CSMD3: variants seen among roughly 807,000 people sequenced by gnomAD.
CSMD3 encodes CUB and Sushi multiple domains 3.
Under a neutral mutation model 435.2 loss-of-function variants are expected in CSMD3, and 177 were observed. The observed-to-expected ratio is 0.41, with a 90% confidence interval of 0.36 to 0.46. The LOEUF is 0.46. CSMD3 is among the 20% of genes least tolerant of loss of function. CSMD3 has a pLI of 0.34. For synonymous variants in CSMD3, 1,656 were observed against 1,520.5 expected (o/e 1.09, Z -2.07); for missense variants, 4,265 against 4,504.6 (o/e 0.95, Z 1.52).
At chr8:112,292,272 A>C (rs1337105747) in intron 55 of CSMD3, among the ~76,000 whole-genome samples, 2 of 152,148 alleles carry the variant, frequency 1.3e-5, no homozygotes, top group African/African-American at 4.8e-5. Flanking sequence ...GAGAGTTAGA[A>C]ATTAACTCTA....
chr8:112,347,427 C>T (rs1210345778), intron 40 of CSMD3, among the ~76,000 whole-genome samples: 1 of 152,110 alleles, frequency 6.6e-6, no homozygotes, highest in Admixed American at 6.5e-5. Flanking sequence ...AGTAGCAACA[C>T]ACAGATACTC....
intron 13 of CSMD3, among the ~76,000 whole-genome samples, chr8:112,741,327 T>C (rs1263998109): frequency 6.6e-6 from 1 of 151,928 alleles, no homozygotes; most frequent in Non-Finnish European, 1.5e-5. Flanking sequence ...GAAGACATAT[T>C]AGTGGCCAAT....
chr8:112,594,204 G>C (rs891201465), intron 22 of CSMD3, among the ~76,000 whole-genome samples: 8 of 152,312 alleles, frequency 5.3e-5, no homozygotes, highest in African/African-American at 1.9e-4. Context: ...TGCCTCACTT[G>C]GGAAGCCCAA....
At chr8:112,793,943 A>G (rs2078757293) in intron 13 of CSMD3, among the ~76,000 whole-genome samples, 1 of 152,178 alleles carries the variant, frequency 6.6e-6, no homozygotes, top group Admixed American at 6.5e-5. Context: ...AAACAAAGAC[A>G]TAACAAATGT....
chr8:113,347,586 T>TG (rs1209267142), intron 1 of CSMD3, among the ~76,000 whole-genome samples: 1 of 152,068 alleles, frequency 6.6e-6, no homozygotes, highest in African/African-American at 2.4e-5. Flanking sequence ...CATTGCCATT[T>TG]GGGGGACACA....
At chr8:112,347,901 C>T (rs1398816974) in intron 40 of CSMD3, among the ~76,000 whole-genome samples, 1 of 152,160 alleles carries the variant, frequency 6.6e-6, no homozygotes, top group Non-Finnish European at 1.5e-5. Flanking sequence ...CTTTTATTTT[C>T]TTGCCTTCAC....
chr8:112,497,554 T>A (rs1309127102), intron 30 of CSMD3, among the ~76,000 whole-genome samples: 1 of 151,114 alleles, frequency 6.6e-6, no homozygotes, highest in Non-Finnish European at 1.5e-5. Context: ...AAAAGACCAC[T>A]AATAACTTTA....
At chr8:112,525,535 A>G (rs1010265003) in intron 27 of CSMD3, among the ~76,000 whole-genome samples, 97 of 148,890 alleles carry the variant, frequency 6.5e-4, no homozygotes, top group African/African-American at 2.3e-3. Context: ...CCTGGCTAAC[A>G]TGGTGAAACC....
intron 2 of CSMD3, among the ~76,000 whole-genome samples, chr8:113,279,359 C>T (rs543416735): frequency 2.0e-5 from 3 of 150,692 alleles, no homozygotes; most frequent in Non-Finnish European, 4.4e-5. Context: ...ATCTGATTGT[C>T]TTTGAGACAT....
At chr8:113,334,506 C>G (rs1282963875) in intron 1 of CSMD3, among the ~76,000 whole-genome samples, 2 of 151,822 alleles carry the variant, frequency 1.3e-5, no homozygotes, top group Non-Finnish European at 2.9e-5. Flanking sequence ...GGGATTTATA[C>G]TCTCTAGAAG....
chr8:113,380,860 C>A (rs181543134), intron 1 of CSMD3, among the ~76,000 whole-genome samples: 18 of 152,020 alleles, frequency 1.2e-4, no homozygotes, highest in Non-Finnish European at 2.5e-4. Flanking sequence ...GCCAGAAAAC[C>A]ATGTCCTGAT....
chr8:113,374,167 C>CAT, intron 1 of CSMD3, among the ~76,000 whole-genome samples: 1 of 151,904 alleles, frequency 6.6e-6, no homozygotes, highest in South Asian at 2.1e-4. Context: ...AGAGAACAAT[C>CAT]ATATATATAC....
intron 25 of CSMD3, among the ~76,000 whole-genome samples, chr8:112,553,013 T>C (rs1178635187): frequency 1.3e-5 from 2 of 152,150 alleles, no homozygotes; most frequent in Non-Finnish European, 2.9e-5. Flanking sequence ...AGATGTGTTG[T>C]TAAATAACGA....
rs189414824 is a variant in CSMD3, at chr8:112,331,752, G to A, written c.7165+3577C>T. Among the ~76,000 whole-genome samples the A allele has an allele frequency of 7.9e-5, 12 of 152,106 alleles. No homozygotes were observed. The East Asian group carries it at 2.3e-3, about 29-fold the overall frequency. The stretch of plus-strand genomic sequence containing the variant: ...TATCAGAAGTAACTATCAAGTCTAA[G>A]AGGATATAAAGAAAACTGGGTGGGG... On this transcript the variant is annotated intron_variant, in intron 45 of 70. Transcript: ENST00000297405.
intron 11 of CSMD3, among the ~76,000 whole-genome samples, chr8:112,830,829 C>A (rs1363938117): frequency 6.8e-6 from 1 of 146,298 alleles, no homozygotes. Flanking sequence ...CTCTGTCACT[C>A]AGGCTAGAGT....
intron 30 of CSMD3, among the ~76,000 whole-genome samples, chr8:112,500,979 CCTATGTAA>C (rs922912067): frequency 5.9e-5 from 9 of 152,192 alleles, no homozygotes; most frequent in African/African-American, 1.9e-4. Context: ...GTCTGTGGGC[CCTATGTAA>C]CTCAGACACC....
At chr8:112,669,629 A>G (rs2075610222) in intron 16 of CSMD3, among the ~76,000 whole-genome samples, 1 of 152,166 alleles carries the variant, frequency 6.6e-6, no homozygotes, top group South Asian at 2.1e-4. Flanking sequence ...ACAGAAAGCA[A>G]AAAGGGGACC....
chr8:112,606,801 G>T (rs1832825390), intron 22 of CSMD3, among the ~76,000 whole-genome samples: 1 of 151,992 alleles, frequency 6.6e-6, no homozygotes, highest in South Asian at 2.1e-4. Flanking sequence ...ATGGTTAAAA[G>T]AAGAAATCAA....
chr8:113,362,529 T>C (rs184458219), intron 1 of CSMD3, among the ~76,000 whole-genome samples: 5 of 152,322 alleles, frequency 3.3e-5, no homozygotes, highest in Non-Finnish European at 7.4e-5. Context: ...AACAAGACTA[T>C]TGCAGTGTGA....
Sources: gnomAD v4.1 joint callset for allele counts (sites outside exome capture counted in the v4.1 genomes callset) on GRCh38, gnomAD v4.1.1 for gene constraint, MANE v1.5 for transcripts, NCBI Gene and HGNC (gene_info 2026-07-23, HGNC 2026-07-21) for gene names.